Variants in RIPK1 observed in about 807,000 individuals in gnomAD.
RIPK1 encodes receptor-interacting serine/threonine-protein kinase 1.
Under a neutral mutation model 62.4 loss-of-function variants are expected in RIPK1, and 27 were observed. The ratio of observed to expected loss-of-function variants is 0.43; its 90% CI spans 0.32 to 0.60. The LOEUF (loss-of-function observed/expected upper bound fraction) is 0.60, where lower values mean the gene tolerates loss of function less well. Among genes scored for constraint, RIPK1 ranks in the 20% least tolerant of loss-of-function variants. The pLI is 0.07. For synonymous variants in RIPK1, 287 were observed against 303.2 expected, an observed-to-expected ratio of 0.95 and a Z score of 0.55; for missense variants, 735 against 831.0, an observed-to-expected ratio of 0.88 and a Z score of 1.42.
At chr6:3,101,610 C>A (rs1012254603) in intron 7 of RIPK1, among the ~76,000 whole-genome samples, 4 of 147,976 alleles carry the variant, frequency 2.7e-5, no homozygotes, top group African/African-American at 1.0e-4. Context: ...TCGTTAACAG[C>A]AAAATACAAA....
chr6:3,101,328 G>T (rs1243444049), intron 7 of RIPK1, among the ~76,000 whole-genome samples: 2 of 152,220 alleles, frequency 1.3e-5, no homozygotes, highest in Non-Finnish European at 2.9e-5. Flanking sequence ...GGTGGCTCAT[G>T]CCTGTAATCC....
intron 9 of RIPK1, among the ~76,000 whole-genome samples, chr6:3,106,851 A>G (rs991626273): frequency 5.9e-5 from 9 of 152,256 alleles, no homozygotes; most frequent in African/African-American, 1.4e-4. Context: ...GTATAATCCT[A>G]TGAGCAGAAT....
chr6:3,064,825 G>A (rs975710987), upstream of RIPK1, among the ~76,000 whole-genome samples: 1 of 152,208 alleles, frequency 6.6e-6, no homozygotes, highest in African/African-American at 2.4e-5. Context: ...AGAGGTGGAG[G>A]CTGTGACCTC....
intron 7 of RIPK1, among the ~76,000 whole-genome samples, chr6:3,095,239 T>G (rs752515454): frequency 7.2e-5 from 11 of 152,186 alleles, no homozygotes; most frequent in Non-Finnish European, 1.2e-4. Flanking sequence ...AAGTTCAATT[T>G]AGCAAAGCTA....
chr6:3,081,009 A>G lies in RIPK1; in HGVS notation c.352A>G (p.Ile118Val), dbSNP rs138832019. The G allele has an allele frequency of 1.9e-6, 3 of 1,614,136 alleles. No individual in the cohort carries two copies. Among genetic ancestry groups the G allele is most frequent in the Non-Finnish European group, 2.5e-6 (3 of 1,179,984 alleles). Residue 118 changes from isoleucine (I) to valine (V), a missense_variant, in exon 4 of 11, where the codon ATA (isoleucine) becomes GTA (valine). Ile to Val is a conservative substitution (Grantham distance 29, BLOSUM62 3). Transcript: ENST00000259808. ...TACTCCGCTTTCTGTAAAAGGAAGGATAATTTTGGAAATCATTGAAGGAAT... is the reference window on the plus strand; with the variant it reads ...TACTCCGCTTTCTGTAAAAGGAAGGGTAATTTTGGAAATCATTGAAGGAAT... ...MSTPLSVKGR[I>V]ILEIIEGMCY...
chr6:3,090,291 C>T (rs1469584870), intron 7 of RIPK1, among the ~76,000 whole-genome samples: 3 of 152,052 alleles, frequency 2.0e-5, no homozygotes, highest in African/African-American at 7.3e-5. Flanking sequence ...TGGAGACCAC[C>T]CCGCCCCCCT....
chr6:3,098,142 G>A (rs17548238), intron 7 of RIPK1, among the ~76,000 whole-genome samples: 2,774 of 146,654 alleles, frequency 0.019, 41 homozygotes, highest in Non-Finnish European at 0.029. Context: ...GCGCCATTGC[G>A]CTCCAGCCTG....
chr6:3,074,528 C>A (rs937266121), intron 1 of RIPK1, among the ~76,000 whole-genome samples: 1 of 152,108 alleles, frequency 6.6e-6, no homozygotes, highest in Non-Finnish European at 1.5e-5. Context: ...GTTTTCATTT[C>A]TCTTGGGATT....
chr6:3,109,370 G>C (rs1009556928), intron 9 of RIPK1, among the ~76,000 whole-genome samples: 11 of 152,154 alleles, frequency 7.2e-5, no homozygotes, highest in African/African-American at 2.7e-4. Flanking sequence ...CAGCAGATCG[G>C]TGGGAAATCT....
upstream of RIPK1, chr6:3,068,358 A>C: frequency 1.0e-6 from 1 of 985,428 alleles, no homozygotes; most frequent in Non-Finnish European, 1.2e-6. Flanking sequence ...TTGAAAACAA[A>C]GTCCGCGATC....
At chr6:3,080,900 C>T (rs1394545658) in intron 3 of RIPK1, 79 bp from the exon 4 acceptor site, 3 of 1,438,610 alleles carry the variant, frequency 2.1e-6, no homozygotes, top group African/African-American at 2.8e-5. Flanking sequence ...GCTCAGATCC[C>T]ACCACCCTTT....
chr6:3,104,145 A>G, intron 7 of RIPK1, 80 bp from the exon 8 acceptor site: 1 of 627,898 alleles, frequency 1.6e-6, no homozygotes, highest in Non-Finnish European at 2.9e-6. Flanking sequence ...TTCTGAAAAT[A>G]TGAATTCTTC....
At chr6:3,084,648 C>T (rs1470736110) in intron 5 of RIPK1, among the ~76,000 whole-genome samples, 1 of 145,900 alleles carries the variant, frequency 6.9e-6, no homozygotes, top group African/African-American at 2.6e-5. Context: ...GGTTGGAGTG[C>T]AGTGGTGCAG....
chr6:3,106,185 C>T, intron 9 of RIPK1, 134 bp downstream of exon 9: 1 of 703,630 alleles, frequency 1.4e-6, no homozygotes, highest in Non-Finnish European at 2.3e-6. Flanking sequence ...TGCAAATTGC[C>T]CCTGTGGAAT....
At chr6:3,094,589 A>ATG (rs1554115575) in intron 7 of RIPK1, among the ~76,000 whole-genome samples, 50 of 149,512 alleles carry the variant, frequency 3.3e-4, no homozygotes, top group African/African-American at 1.1e-3. Flanking sequence ...TCATATATAT[A>ATG]TATATATATA....
chr6:3,070,640 G>T (rs1240085080), intron 1 of RIPK1, among the ~76,000 whole-genome samples: 1 of 151,620 alleles, frequency 6.6e-6, no homozygotes, highest in Non-Finnish European at 1.5e-5. Flanking sequence ...GCTTCACCAC[G>T]TTGGCCAATC....
chr6:3,089,565 C>T lies in RIPK1; in HGVS notation c.839-16C>T, dbSNP rs1434450980. Reference sequence around the variant, plus strand: ...GAAAATAATTAAGAAATTTAAAGTACATTTTACTTTTACAGGCATTGAAGA... The same window carrying T: ...GAAAATAATTAAGAAATTTAAAGTATATTTTACTTTTACAGGCATTGAAGA... On this transcript the variant is annotated splice_polypyrimidine_tract_variant and intron_variant, in intron 6 of 10. Transcript: ENST00000259808. The T allele has an allele frequency of 7.0e-6, 8 of 1,141,438 alleles. No homozygotes were observed. Among genetic ancestry groups the T allele is most frequent in the Non-Finnish European group, 1.0e-5 (8 of 764,354 alleles). 70.7% of individuals were successfully genotyped at this position (1,141,438 alleles called of 1,614,324 possible).
At chr6:3,068,186 G>T (rs980007796), upstream of RIPK1, 1 of 982,594 alleles carries the variant, frequency 1.0e-6, no homozygotes, top group African/African-American at 1.7e-5. Context: ...CTTTACAGAT[G>T]AAGGTAGAGG....
chr6:3,108,895 A>G (rs17548566), intron 9 of RIPK1, among the ~76,000 whole-genome samples: 5,022 of 152,242 alleles, frequency 0.033, 146 homozygotes, highest in East Asian at 0.071. Flanking sequence ...AAATGAGCAC[A>G]GTGCCTGGTC....
Sources: allele counts gnomAD v4.1 joint callset (sites outside exome capture counted in the v4.1 genomes callset), GRCh38; gene constraint gnomAD v4.1.1; transcripts MANE v1.5; gene names NCBI Gene and HGNC (gene_info 2026-07-23, HGNC 2026-07-21).